Variants in PDE3B observed in about 807,000 individuals in gnomAD.
PDE3B encodes cGMP-inhibited 3',5'-cyclic phosphodiesterase 3B.
A neutral mutation model predicts 116.8 loss-of-function variants in PDE3B; 66 were observed. That is an observed-to-expected ratio of 0.56 (90% CI 0.46 to 0.69). The LOEUF (loss-of-function observed/expected upper bound fraction) is 0.69. Among genes scored for constraint, PDE3B ranks in the 30% least tolerant of loss-of-function variants. PDE3B has a pLI of 0.00. For synonymous variants in PDE3B, 595 were observed against 533.6 expected (o/e 1.12, Z -1.59); for missense variants, 1,384 against 1,368.1 (o/e 1.01, Z -0.18).
the PDE3B span, among the ~76,000 whole-genome samples, chr11:14,896,421 A>G: frequency 4.6e-5 from 7 of 152,304 alleles, no homozygotes; most frequent in East Asian, 1.3e-3. Flanking sequence ...AAAATCAGCC[A>G]TGGTCCCTGT....
At chr11:14,804,168 A>T (rs1482957018) in intron 5 of PDE3B, 118 bp downstream of exon 5, 1 of 623,056 alleles carries the variant, frequency 1.6e-6, no homozygotes, top group Admixed American at 2.9e-5. Context: ...ATTATAAGTT[A>T]ACATGACTTA....
At chr11:14,789,682 T>C (rs1467716590) in intron 4 of PDE3B, among the ~76,000 whole-genome samples, 1 of 152,048 alleles carries the variant, frequency 6.6e-6, no homozygotes, top group Non-Finnish European at 1.5e-5. Flanking sequence ...AACCAGACTT[T>C]CAAATCCTGT....
At chr11:14,689,381 G>GTTA (rs1854984440) in intron 1 of PDE3B, among the ~76,000 whole-genome samples, 1 of 152,092 alleles carries the variant, frequency 6.6e-6, no homozygotes, top group Non-Finnish European at 1.5e-5. Flanking sequence ...TACTCTAGAA[G>GTTA]TTACTCAGTA....
intron 1 of PDE3B, among the ~76,000 whole-genome samples, chr11:14,687,521 C>T (rs192101682): frequency 9.2e-5 from 14 of 152,210 alleles, no homozygotes; most frequent in South Asian, 2.1e-4. Context: ...AAGCATTAAA[C>T]TTATGAAGAT....
At chr11:14,737,408 C>T (rs866521513) in intron 1 of PDE3B, among the ~76,000 whole-genome samples, 17 of 152,140 alleles carry the variant, frequency 1.1e-4, no homozygotes, top group African/African-American at 4.1e-4. Context: ...CTGTGTTAGC[C>T]AGGATGGTCT....
intron 1 of PDE3B, among the ~76,000 whole-genome samples, chr11:14,664,239 T>C (rs1460237299): frequency 9.9e-5 from 15 of 151,852 alleles, no homozygotes; most frequent in African/African-American, 1.9e-4. Context: ...ACACAACATA[T>C]CAGAATCTCT....
intron 1 of PDE3B, among the ~76,000 whole-genome samples, chr11:14,703,912 C>G (rs748189318): frequency 4.6e-5 from 7 of 151,600 alleles, no homozygotes; most frequent in Non-Finnish European, 7.4e-5. Context: ...TTGTTTAACT[C>G]TCACTCTTGG....
In PDE3B at chr11:14,644,516, G is replaced by C; in HGVS notation, c.441G>C (p.Arg147=). 1 of 1,609,036 alleles carries C rather than the reference G, an allele frequency of 6.2e-7. No homozygotes were observed. ...CCAAGCGGGGACCCGGCCCGGGCCG[G>C]AGCTGCGGCTCCTGGTGGCTGCTGG... ...TRTKRGPGPG[R]SCGSWWLLAL... is the part of the protein sequence containing the mutation. The change falls in exon 1 of 16, where the codon CGG becomes CGC. Residue 147 remains arginine (R), a synonymous_variant. Transcript: ENST00000282096.
At chr11:14,730,670 A>G (rs969450893) in intron 1 of PDE3B, among the ~76,000 whole-genome samples, 1 of 152,236 alleles carries the variant, frequency 6.6e-6, no homozygotes, top group African/African-American at 2.4e-5. Flanking sequence ...TAATAGTGCT[A>G]TTTGAGCATT....
At chr11:14,685,060 G>A (rs1024594201) in intron 1 of PDE3B, among the ~76,000 whole-genome samples, 1 of 151,932 alleles carries the variant, frequency 6.6e-6, no homozygotes, top group African/African-American at 2.4e-5. Context: ...AAGTAAGACA[G>A]GCATAAGAAA....
intron 1 of PDE3B, among the ~76,000 whole-genome samples, chr11:14,687,885 T>C (rs746147973): frequency 6.6e-6 from 1 of 152,156 alleles, no homozygotes; most frequent in African/African-American, 2.4e-5. Context: ...AGGAATTTGC[T>C]CATCAACATA....
chr11:14,783,990 A>G (rs931785338), intron 2 of PDE3B, among the ~76,000 whole-genome samples: 12 of 152,306 alleles, frequency 7.9e-5, no homozygotes, highest in African/African-American at 9.6e-5. Context: ...ATCAGCCACC[A>G]CATTAGATTC....
chr11:14,882,094 T>C, the PDE3B span, among the ~76,000 whole-genome samples: 2,083 of 152,230 alleles, frequency 0.014, 50 homozygotes, highest in African/African-American at 0.048. Flanking sequence ...CCATTCTTTT[T>C]TCTATACTCC....
chr11:14,892,856 ATTAC>A, the PDE3B span, among the ~76,000 whole-genome samples: 1 of 152,186 alleles, frequency 6.6e-6, no homozygotes, highest in Non-Finnish European at 1.5e-5. Flanking sequence ...TTCCAAACTG[ATTAC>A]TTATTGGCAA....
downstream of PDE3B, among the ~76,000 whole-genome samples, chr11:14,872,833 G>GGATGCAGAACCTGCC (rs371214143): frequency 3.6e-3 from 544 of 152,216 alleles, 6 homozygotes; most frequent in African/African-American, 0.013. Context: ...ATTTGGTTGC[G>GGATGCAGAACCTGCC]GATGCAGAAC....
At chr11:14,840,630 C>A (rs957952662) in intron 11 of PDE3B, among the ~76,000 whole-genome samples, 1 of 152,166 alleles carries the variant, frequency 6.6e-6, no homozygotes. Context: ...ATAAATAGTT[C>A]TGCCCAATAT....
chr11:14,680,341 G>T (rs1854663959), intron 1 of PDE3B, among the ~76,000 whole-genome samples: 1 of 152,202 alleles, frequency 6.6e-6, no homozygotes, highest in Admixed American at 6.5e-5. Context: ...GCTGTTCCAA[G>T]CAGGGTCAGG....
the PDE3B span, chr11:14,878,286 A>G: frequency 1.2e-6 from 2 of 1,612,784 alleles, no homozygotes; most frequent in Admixed American, 1.7e-5. Context: ...TCTCCAAGAC[A>G]ATGTCTTCTT....
chr11:14,721,992 A>G (rs1219602381), intron 1 of PDE3B, among the ~76,000 whole-genome samples: 1 of 151,678 alleles, frequency 6.6e-6, no homozygotes, highest in Non-Finnish European at 1.5e-5. Flanking sequence ...GTAAAAAATG[A>G]TGAGTTCATG....
Sources: gnomAD v4.1 joint callset for allele counts (sites outside exome capture counted in the v4.1 genomes callset) on GRCh38, gnomAD v4.1.1 for gene constraint, MANE v1.5 for transcripts, NCBI Gene and HGNC (gene_info 2026-07-23, HGNC 2026-07-21) for gene names.